Variants in PGM2L1 observed in about 807,000 individuals in gnomAD.
The protein encoded by PGM2L1 is phosphoglucomutase 2 like 1.
Under a neutral mutation model 73.4 loss-of-function variants are expected in PGM2L1, and 35 were observed. The ratio of observed to expected loss-of-function variants is 0.48; its 90% confidence interval spans 0.36 to 0.63. The LOEUF is 0.63. PGM2L1 is among the 30% of genes least tolerant of loss of function. PGM2L1 has a pLI of 0.00. For missense variants in PGM2L1, 570 were observed against 742.0 expected, an observed-to-expected ratio of 0.77 and a Z score of 2.69; for synonymous variants, 225 against 253.8, an observed-to-expected ratio of 0.89 and a Z score of 1.08.
chr11:74,387,450 A>C (rs928522367), intron 1 of PGM2L1, among the ~76,000 whole-genome samples: 2 of 152,236 alleles, frequency 1.3e-5, no homozygotes, highest in East Asian at 3.8e-4. Context: ...TGTCTGGTAC[A>C]TGATCACTCA....
intron 5 of PGM2L1, among the ~76,000 whole-genome samples, chr11:74,366,226 G>T (rs1424002640): frequency 1.3e-5 from 2 of 151,926 alleles, no homozygotes; most frequent in East Asian, 1.9e-4. Context: ...GTGGGGGGAT[G>T]GGGGAGGGAA....
At chr11:74,365,044 T>C (rs28815856) in intron 5 of PGM2L1, among the ~76,000 whole-genome samples, 80,187 of 148,896 alleles carry the variant, frequency 0.54, 23,862 homozygotes, top group East Asian at 0.8. Context: ...AGAACAGAGC[T>C]CTCAGAAATA....
intron 13 of PGM2L1, 91 bp from the exon 14 acceptor site, chr11:74,336,845 G>C: frequency 1.3e-6 from 1 of 793,380 alleles, no homozygotes; most frequent in Non-Finnish European, 1.9e-6. Context: ...GGTCCTGATG[G>C]AGTCATTAAA....
chr11:74,353,588 A>C (rs1042683812), intron 5 of PGM2L1, among the ~76,000 whole-genome samples: 1 of 151,552 alleles, frequency 6.6e-6, no homozygotes, highest in Non-Finnish European at 1.5e-5. Context: ...CACATCTTGC[A>C]CCGCCCTTAA....
chr11:74,392,289 A>G (rs1055564792), intron 1 of PGM2L1, among the ~76,000 whole-genome samples: 7 of 152,192 alleles, frequency 4.6e-5, no homozygotes, highest in Non-Finnish European at 8.8e-5. Context: ...TTCAAAAAAA[A>G]TAAATTGCAA....
chr11:74,397,587 C>T (rs1863195966), intron 1 of PGM2L1: 2 of 152,806 alleles, frequency 1.3e-5, no homozygotes, highest in Admixed American at 1.3e-4. Context: ...TACCTAGCGA[C>T]AGAAGGAGGA....
chr11:74,397,992 G>A (rs1863205607), intron 1 of PGM2L1, 59 bp downstream of exon 1: 7 of 1,512,590 alleles, frequency 4.6e-6, no homozygotes, highest in Middle Eastern at 1.9e-4. Flanking sequence ...GGTGGGCACA[G>A]GAAAGAGCAG....
chr11:74,377,187 A>ACT, intron 1 of PGM2L1, among the ~76,000 whole-genome samples: 1 of 148,446 alleles, frequency 6.7e-6, no homozygotes, highest in East Asian at 2.0e-4. Flanking sequence ...CAGGCTGGAG[A>ACT]GCAGTGGCGC....
chr11:74,397,889 A>G, intron 1 of PGM2L1, 162 bp downstream of exon 1: 1 of 1,276,966 alleles, frequency 7.8e-7, no homozygotes, highest in East Asian at 2.9e-5. Flanking sequence ...AGTCCGAAGG[A>G]GCAACCCCAC....
intron 5 of PGM2L1, among the ~76,000 whole-genome samples, chr11:74,359,496 ATT>A (rs1383087344): frequency 6.6e-6 from 1 of 152,004 alleles, no homozygotes; most frequent in Non-Finnish European, 1.5e-5. Context: ...AAATACACAT[ATT>A]GACTATATAT....
chr11:74,347,067 G>A (rs984973674), intron 7 of PGM2L1, 81 bp downstream of exon 7: 1 of 1,183,700 alleles, frequency 8.4e-7, no homozygotes, highest in Non-Finnish European at 1.1e-6. Flanking sequence ...GCTTTTGTAA[G>A]TAATCTTTGA....
chr11:74,350,667 A>G (rs1466163555), intron 6 of PGM2L1, among the ~76,000 whole-genome samples: 2 of 152,126 alleles, frequency 1.3e-5, no homozygotes, highest in Non-Finnish European at 2.9e-5. Context: ...ACCAGAGGTC[A>G]GGAGTTCGAG....
chr11:74,389,670 G>A (rs1863063862), intron 1 of PGM2L1, among the ~76,000 whole-genome samples: 2 of 151,124 alleles, frequency 1.3e-5, no homozygotes, highest in South Asian at 2.1e-4. Flanking sequence ...GGCTGGTCTC[G>A]AACTCCTGAC....
intron 5 of PGM2L1, among the ~76,000 whole-genome samples, chr11:74,364,611 A>G (rs1021297567): frequency 3.9e-5 from 6 of 152,338 alleles, no homozygotes; most frequent in African/African-American, 1.4e-4. Context: ...ACTCCCATTC[A>G]CAATTGCTTC....
At position 74,398,145 on chromosome 11, in the gene PGM2L1, T is replaced by C. The variant is rs749274302; in HGVS notation, c.17A>G (p.Glu6Gly). The C allele has an allele frequency of 6.2e-7, 1 of 1,611,658 alleles. No individual in the cohort carries two copies. Among genetic ancestry groups the C allele is most frequent in the Admixed American group, 1.7e-5 (1 of 59,796 alleles). ...GAGCAGGTTGGAGTTCAGATCCCCC[T>C]CTGTGTTTTCAGCCATGGCGACCAG... Reference protein sequence around the residue: MAENTEGDLNSNLLHA... With the variant: MAENTGGDLNSNLLHA... Residue 6 changes from glutamate to glycine, a missense_variant, in exon 1 of 14, where the codon GAG becomes GGG. By Grantham distance (98) the Glu-to-Gly change is moderately conservative. Coordinates refer to ENST00000298198, the MANE Select transcript of PGM2L1 (RefSeq NM_173582.6).
chr11:74,377,182 T>C, intron 1 of PGM2L1, among the ~76,000 whole-genome samples: 1 of 151,512 alleles, frequency 6.6e-6, no homozygotes, highest in East Asian at 1.9e-4. Flanking sequence ...TCACCCAGGC[T>C]GGAGAGCAGT....
chr11:74,354,560 T>A, intron 5 of PGM2L1: 1 of 1,152,632 alleles, frequency 8.7e-7, no homozygotes, highest in African/African-American at 1.5e-5. Context: ...ATGGGAATGC[T>A]CACGAACTGT....
rs1203580496 is a variant in PGM2L1 at position 74,336,154 on chromosome 11, A to G, written c.*498T>C. On this transcript the variant is annotated 3_prime_UTR_variant, in exon 14 of 14. Coordinates refer to ENST00000298198, the MANE Select transcript of PGM2L1 (RefSeq NM_173582.6). ...CTATTTCAAATACTCTAATTTGTAA[A>G]TTAATACCTGTGATGTCACAATGAC... 4 of 152,412 alleles carry G rather than the reference A, an allele frequency of 2.6e-5. No homozygotes were observed. Among genetic ancestry groups the G allele is most frequent in the African/African-American group, 9.6e-5 (4 of 41,596 alleles). 9.4% of individuals were successfully genotyped at this position (152,412 alleles called of 1,614,324 possible).
chr11:74,373,826 T>G (rs566819281), intron 2 of PGM2L1, among the ~76,000 whole-genome samples: 3 of 152,294 alleles, frequency 2.0e-5, no homozygotes, highest in South Asian at 2.1e-4. Context: ...TTTCTTGGTT[T>G]CAAATGCAAA....
Sources: allele counts gnomAD v4.1 joint callset (sites outside exome capture counted in the v4.1 genomes callset), GRCh38; gene constraint gnomAD v4.1.1; transcripts MANE v1.5; gene names NCBI Gene and HGNC (gene_info 2026-07-23, HGNC 2026-07-21).